The following CCDC141 variants were observed in gnomAD, a reference collection of about 807,000 sequenced individuals.
CCDC141 encodes coiled-coil domain containing 141, also known as coiled-coil domain-containing protein 141.
CCDC141 carries 168 observed loss-of-function variants against 181.0 expected under a neutral mutation model. That is an observed-to-expected ratio of 0.93 (90% CI 0.82 to 1.05). The LOEUF is 1.05. Ranked by LOEUF, CCDC141 falls within the 50% of genes least tolerant of loss-of-function variation. CCDC141 has a pLI of 0.00. For missense variants in CCDC141, 1,902 were observed against 1,788.5 expected, an observed-to-expected ratio of 1.06 and a Z score of -1.14; for synonymous variants, 666 against 642.3, an observed-to-expected ratio of 1.04 and a Z score of -0.56.
chr2:178,837,817 C>G, intron 22 of CCDC141, 73 bp from the exon 23 acceptor site: 1 of 1,508,450 alleles, frequency 6.6e-7, no homozygotes, highest in Non-Finnish European at 8.8e-7. Context: ...CAGTAAAACT[C>G]AACTTCAGAG....
intron 7 of CCDC141, among the ~76,000 whole-genome samples, chr2:178,907,374 C>T (rs1030694810): frequency 6.6e-6 from 1 of 152,214 alleles, no homozygotes; most frequent in Admixed American, 6.5e-5. Flanking sequence ...GAGACCACTG[C>T]TCTTAAATCC....
intron 22 of CCDC141, among the ~76,000 whole-genome samples, chr2:178,842,443 T>C (rs1423143623): frequency 6.6e-6 from 1 of 152,248 alleles, no homozygotes; most frequent in Admixed American, 6.5e-5. Flanking sequence ...TCAAGTCTTA[T>C]CTCTGTCAGG....
chr2:178,924,733 A>G (rs748059277), intron 6 of CCDC141, among the ~76,000 whole-genome samples: 9 of 152,174 alleles, frequency 5.9e-5, no homozygotes, highest in Non-Finnish European at 1.3e-4. Context: ...CACCCTCACT[A>G]TGATGCAGTC....
At position 179,015,089 on chromosome 2, in the gene CCDC141, T is replaced by TATATATATATATA. The variant is rs2042405741; in HGVS notation, c.225+32182_225+32194dup. On this transcript the variant is annotated intron_variant, in intron 2 of 23. Coordinates refer to ENST00000443758, the MANE Select transcript of CCDC141 (RefSeq NM_173648.4). ...AGAGATATATATATATATATATATA[T>TATATATATATATA]ATATATATATATATAATATATATAT... is the stretch of plus-strand genomic sequence containing the variant. 2.3e-3 allele frequency among the ~76,000 whole-genome samples: 110 copies of TATATATATATATA among 47,126 alleles called. 10 individuals carry two copies. Among genetic ancestry groups the TATATATATATATA allele is most frequent in the African/African-American group, 6.7e-3 (104 of 15,614 alleles). 30.9% of individuals were successfully genotyped at this position (47,126 alleles called of 152,430 possible). A position where few individuals can be genotyped will look rare whatever the true frequency, so the allele number is the denominator to read the frequency against.
In CCDC141 at chr2:178,842,163, T is replaced by A. The variant is rs181532179; in HGVS notation, c.3474+3463A>T. ...ACAGGGCATATTTACATCAGTCTAA[T>A]GAGTTCTGGCAAAATAGCTGGGAAA... On this transcript the variant is annotated intron_variant, in intron 22 of 23. Transcript: ENST00000443758. Among the ~76,000 whole-genome samples, 606 of 152,332 alleles carry A rather than the reference T, an allele frequency of 4.0e-3. 3 individuals are homozygous for A. The highest frequency in any genetic ancestry group is 0.013 in the African/African-American group (561 of 41,574).
chr2:178,885,419 T>G (rs377308328), intron 10 of CCDC141, among the ~76,000 whole-genome samples: 1 of 152,344 alleles, frequency 6.6e-6, no homozygotes, highest in South Asian at 2.1e-4. Context: ...ATACATGAGA[T>G]AGCTATTTGA....
intron 6 of CCDC141, among the ~76,000 whole-genome samples, chr2:178,932,671 T>C (rs1157992536): frequency 6.6e-6 from 1 of 152,232 alleles, no homozygotes. Flanking sequence ...GTAATTGTTT[T>C]ATATTTCTTT....
At chr2:178,961,726 A>C (rs1347574338) in intron 4 of CCDC141, among the ~76,000 whole-genome samples, 2 of 152,348 alleles carry the variant, frequency 1.3e-5, no homozygotes, top group South Asian at 4.1e-4. Context: ...TGCTTTGTTC[A>C]GCAATTGTGT....
intron 2 of CCDC141, among the ~76,000 whole-genome samples, chr2:178,995,191 G>C (rs1349865479): frequency 6.6e-6 from 1 of 152,160 alleles, no homozygotes; most frequent in Non-Finnish European, 1.5e-5. Context: ...AGACATAACT[G>C]AGACAGGGAA....
At chr2:179,015,514 G>GATATA (rs2042473143) in intron 2 of CCDC141, among the ~76,000 whole-genome samples, 2 of 32,660 alleles carry the variant, frequency 6.1e-5, no homozygotes, top group East Asian at 9.2e-4. Flanking sequence ...TATCATATAT[G>GATATA]TATCACATAT....
chr2:178,950,585 G>A (rs555800145), intron 5 of CCDC141, among the ~76,000 whole-genome samples: 63 of 152,272 alleles, frequency 4.1e-4, no homozygotes, highest in Non-Finnish European at 6.8e-4. Flanking sequence ...ATTTTTAGAC[G>A]TATTCTGGGA....
chr2:178,888,398 G>C lies in CCDC141; in HGVS notation c.1407+129C>G. 3.9e-6 allele frequency: 3 copies of C among 774,728 alleles called. No homozygotes were observed. The South Asian group carries it at 5.3e-5, about 14-fold the overall frequency. The allele number at this position is 774,728 out of a possible 1,614,324, so 48.0% of individuals were successfully genotyped here. On this transcript the variant is annotated intron_variant, in intron 9 of 23. Transcript: ENST00000443758. ...ACAACTCTGTTTAGTTCAATTAAAG[G>C]ACCCAATGTGGTACATAAGGGCAGC...
At position 178,904,867 on chromosome 2, in the gene CCDC141, T is replaced by C. The variant is rs984738622; in HGVS notation, c.1265+462A>G. On this transcript the variant is annotated intron_variant, in intron 8 of 23. Coordinates refer to ENST00000443758, the MANE Select transcript of CCDC141 (RefSeq NM_173648.4). Reference sequence around the variant, plus strand: ...ATGCTGTTGGATTAATAATTGTCACTGTTTACTTAGGGTTTTGCATGGTGA... The same window carrying C: ...ATGCTGTTGGATTAATAATTGTCACCGTTTACTTAGGGTTTTGCATGGTGA... Among the ~76,000 whole-genome samples, 4 of 152,254 alleles carry C rather than the reference T, an allele frequency of 2.6e-5. No individual in the cohort carries two copies. The East Asian group carries it at 7.7e-4, about 29-fold the overall frequency.
intron 2 of CCDC141, among the ~76,000 whole-genome samples, chr2:179,033,070 G>A (rs2043044075): frequency 6.7e-6 from 1 of 148,986 alleles, no homozygotes; most frequent in Non-Finnish European, 1.5e-5. Context: ...TCTGGCTAAG[G>A]CTAATCAGGC....
chr2:178,982,160 C>T (rs1353443093), intron 2 of CCDC141, among the ~76,000 whole-genome samples: 1 of 152,032 alleles, frequency 6.6e-6, no homozygotes, highest in Non-Finnish European at 1.5e-5. Flanking sequence ...AATAACCTTC[C>T]AAATAAGAAA....
rs563476695 is a variant in CCDC141, at chr2:178,833,671, G to A, written c.*502C>T. On this transcript the variant is annotated 3_prime_UTR_variant, in exon 24 of 24. Transcript: ENST00000443758. The stretch of plus-strand genomic sequence containing the variant: ...ACGTAGTCTACGTTGAAATTACACA[G>A]AATGCATTTCGGTAACAAGATCAAG... 260 of 155,428 alleles carry A rather than the reference G, an allele frequency of 1.7e-3. No homozygotes were observed. The highest frequency in any genetic ancestry group is 2.6e-3 in the Admixed American group (42 of 16,066). The allele number at this position is 155,428 out of a possible 1,614,324, so 9.6% of individuals were successfully genotyped here.
chr2:178,849,253 A>G (rs1185714298), intron 21 of CCDC141, among the ~76,000 whole-genome samples: 1 of 152,240 alleles, frequency 6.6e-6, no homozygotes, highest in Non-Finnish European at 1.5e-5. Context: ...GTATCTTCAC[A>G]GTCAATCCTC....
intron 8 of CCDC141, among the ~76,000 whole-genome samples, chr2:178,901,431 G>T (rs531234670): frequency 6.6e-6 from 1 of 151,984 alleles, no homozygotes; most frequent in African/African-American, 2.4e-5. Flanking sequence ...CTTCATCCCT[G>T]GGATGCAAGG....
chr2:179,013,401 C>T (rs993304879), intron 2 of CCDC141, among the ~76,000 whole-genome samples: 1 of 151,902 alleles, frequency 6.6e-6, no homozygotes, highest in Non-Finnish European at 1.5e-5. Flanking sequence ...AGGAATATAC[C>T]AACCAAGGAG....
Sources: allele counts gnomAD v4.1 joint callset (sites outside exome capture counted in the v4.1 genomes callset), GRCh38; gene constraint gnomAD v4.1.1; transcripts MANE v1.5; gene names NCBI Gene and HGNC (gene_info 2026-07-23, HGNC 2026-07-21).